Variants in SLC44A5 observed in about 807,000 individuals in gnomAD.
SLC44A5 encodes choline transporter-like protein 5.
In SLC44A5, 57 loss-of-function variants were observed where a neutral mutation model predicts 101.8. That is an observed-to-expected ratio of 0.56 (90% CI 0.45 to 0.70). The LOEUF is 0.70. SLC44A5 is among the 30% of genes least tolerant of loss of function. The pLI is 0.00. For synonymous variants in SLC44A5, 281 were observed against 290.9 expected, an observed-to-expected ratio of 0.97 and a Z score of 0.35; for missense variants, 737 against 853.1, an observed-to-expected ratio of 0.86 and a Z score of 1.70.
intron 12 of SLC44A5, 83 bp from the exon 13 acceptor site, chr1:75,227,940 A>G: frequency 9.1e-7 from 1 of 1,104,788 alleles, no homozygotes; most frequent in Non-Finnish European, 1.3e-6. Context: ...ACATATCTAT[A>G]TGAAACTGAT....
At chr1:75,678,116 C>A in the SLC44A5 span, among the ~76,000 whole-genome samples, 1 of 152,174 alleles carries the variant, frequency 6.6e-6, no homozygotes, top group African/African-American at 2.4e-5. Flanking sequence ...GGTCCTACCC[C>A]ACGGAGTCTC....
intron 2 of SLC44A5, among the ~76,000 whole-genome samples, chr1:75,434,333 T>G (rs1336586735): frequency 6.6e-6 from 1 of 152,160 alleles, no homozygotes; most frequent in Non-Finnish European, 1.5e-5. Context: ...AGCTTAAATT[T>G]TTAGAATTTC....
At chr1:75,354,956 A>G (rs2101087308) in intron 3 of SLC44A5, among the ~76,000 whole-genome samples, 1 of 152,320 alleles carries the variant, frequency 6.6e-6, no homozygotes, top group Admixed American at 6.5e-5. Flanking sequence ...ACTTAGGTCA[A>G]CATTAAAATT....
At position 75,259,935 on chromosome 1, in the gene SLC44A5, T is replaced by C. The variant is rs1251266480; in HGVS notation, c.261-8641A>G. Among the ~76,000 whole-genome samples the C allele has an allele frequency of 2.0e-5, 3 of 152,108 alleles. No homozygotes were observed. In the East Asian group the frequency reaches 5.8e-4, roughly 29 times the overall value. Reference sequence around the variant, plus strand: ...ATTTCATATCCAGCCAAACTAAGCTTCATAAGTGAAGGAGAAATAAAATCT... The same window carrying C: ...ATTTCATATCCAGCCAAACTAAGCTCCATAAGTGAAGGAGAAATAAAATCT... On this transcript the variant is annotated intron_variant, in intron 6 of 23. Transcript: ENST00000370859.
At chr1:75,594,118 C>T (rs1219679825) in intron 1 of SLC44A5, among the ~76,000 whole-genome samples, 6 of 151,852 alleles carry the variant, frequency 4.0e-5, no homozygotes, top group African/African-American at 1.2e-4. Context: ...AATATATACA[C>T]CTACTGTGTA....
the SLC44A5 span, among the ~76,000 whole-genome samples, chr1:75,624,600 A>G: frequency 6.6e-6 from 1 of 152,160 alleles, no homozygotes. Context: ...TGGAGAATGA[A>G]AAAGAGCACT....
intron 6 of SLC44A5, among the ~76,000 whole-genome samples, chr1:75,271,497 T>TTTTTTG (rs1553152601): frequency 1.4e-5 from 2 of 146,302 alleles, no homozygotes; most frequent in Non-Finnish European, 3.0e-5. Flanking sequence ...TCTGCATGTT[T>TTTTTTG]TGTGTGTGTG....
chr1:75,631,339 C>G, the SLC44A5 span, among the ~76,000 whole-genome samples: 1 of 152,016 alleles, frequency 6.6e-6, no homozygotes, highest in Non-Finnish European at 1.5e-5. Context: ...ATTATTACTG[C>G]TAGGGTATCT....
intron 3 of SLC44A5, among the ~76,000 whole-genome samples, chr1:75,395,129 T>C (rs1302113361): frequency 6.6e-6 from 1 of 152,100 alleles, no homozygotes; most frequent in Non-Finnish European, 1.5e-5. Flanking sequence ...TTTTCCTCAT[T>C]AGCTTATTTA....
chr1:75,209,456 C>T (rs1313923879), intron 23 of SLC44A5, among the ~76,000 whole-genome samples: 1 of 152,180 alleles, frequency 6.6e-6, no homozygotes, highest in African/African-American at 2.4e-5. Context: ...TGACCTTACT[C>T]GTGCTCCTTC....
chr1:75,699,798 G>A, the SLC44A5 span, among the ~76,000 whole-genome samples: 6 of 152,102 alleles, frequency 3.9e-5, no homozygotes, highest in Admixed American at 6.6e-5. Context: ...TCAAAATAAA[G>A]AGATGGAGGA....
At chr1:75,282,590 G>C (rs185601570) in intron 5 of SLC44A5, among the ~76,000 whole-genome samples, 1 of 152,260 alleles carries the variant, frequency 6.6e-6, no homozygotes, top group East Asian at 1.9e-4. Flanking sequence ...ATTATAATCT[G>C]AGTGTAATCC....
At chr1:75,508,242 C>T (rs1370691199) in intron 2 of SLC44A5, among the ~76,000 whole-genome samples, 1 of 151,988 alleles carries the variant, frequency 6.6e-6, no homozygotes, top group Non-Finnish European at 1.5e-5. Flanking sequence ...ACAACTTGCT[C>T]CTGAATACTT....
chr1:75,504,228 T>G (rs570392598), intron 2 of SLC44A5, among the ~76,000 whole-genome samples: 2 of 152,274 alleles, frequency 1.3e-5, no homozygotes, highest in Admixed American at 1.3e-4. Context: ...TTCTCACATT[T>G]GTAATTTTAC....
At chr1:75,374,874 C>T (rs770802559) in intron 3 of SLC44A5, among the ~76,000 whole-genome samples, 37 of 152,260 alleles carry the variant, frequency 2.4e-4, no homozygotes, top group East Asian at 9.7e-4. Flanking sequence ...ATCCAAATGA[C>T]GGCAATTTCA....
chr1:75,679,236 C>T, the SLC44A5 span, among the ~76,000 whole-genome samples: 2 of 151,876 alleles, frequency 1.3e-5, no homozygotes, highest in Admixed American at 6.6e-5. Context: ...GGCAGGCCAA[C>T]GTTCAGATTC....
At chr1:75,625,363 G>GA in the SLC44A5 span, among the ~76,000 whole-genome samples, 1 of 152,008 alleles carries the variant, frequency 6.6e-6, no homozygotes, top group African/African-American at 2.4e-5. Flanking sequence ...CAAGAAAATT[G>GA]GCCTTGCAAT....
At chr1:75,362,242 G>T (rs1034609766) in intron 3 of SLC44A5, among the ~76,000 whole-genome samples, 1 of 151,266 alleles carries the variant, frequency 6.6e-6, no homozygotes, top group African/African-American at 2.4e-5. Context: ...TTAAAAAAAT[G>T]TTCGTTTCAT....
At chr1:75,281,368 T>C (rs995140628) in intron 5 of SLC44A5, among the ~76,000 whole-genome samples, 6 of 151,998 alleles carry the variant, frequency 3.9e-5, no homozygotes, top group Non-Finnish European at 7.4e-5. Context: ...GTGGAAGAAA[T>C]TTCTAAGCAG....
Sources: gnomAD v4.1 joint callset for allele counts (sites outside exome capture counted in the v4.1 genomes callset) on GRCh38, gnomAD v4.1.1 for gene constraint, MANE v1.5 for transcripts, NCBI Gene and HGNC (gene_info 2026-07-23, HGNC 2026-07-21) for gene names.